Variants in HECW2 observed in about 807,000 individuals in gnomAD.
HECW2 encodes E3 ubiquitin-protein ligase HECW2.
Under a neutral mutation model 175.2 loss-of-function variants are expected in HECW2, and 61 were observed. That is an observed-to-expected ratio of 0.35 (90% CI 0.28 to 0.43). HECW2 has a LOEUF of 0.43. HECW2 is among the 20% of genes least tolerant of loss of function. The pLI is 1.00. For synonymous variants in HECW2, 671 were observed against 731.0 expected (o/e 0.92, Z 1.32); for missense variants, 1,524 against 2,000.5 (o/e 0.76, Z 4.54).
intron 1 of HECW2, among the ~76,000 whole-genome samples, chr2:196,441,000 A>T (rs1039484600): frequency 3.0e-4 from 45 of 152,204 alleles, no homozygotes; most frequent in African/African-American, 1.1e-3. Flanking sequence ...CTGAAAACAA[A>T]ATCATTTTTC....
Position 196,271,182 on chromosome 2 carries a change from A to G in HECW2, c.3335+11T>C, listed in dbSNP as rs1689721845. On this transcript the variant is annotated intron_variant, in intron 17 of 28. Coordinates refer to ENST00000644978, the MANE Select transcript of HECW2 (RefSeq NM_001348768.2). ...TATGCAACTTGAACCAAATACCAAT[A>G]TTATTGTTACCTGAGTGAGTGATTC... The G allele has an allele frequency of 8.0e-6, 12 of 1,505,660 alleles. No homozygotes were observed. The highest frequency in any genetic ancestry group is 1.4e-5 in the African/African-American group (1 of 72,654). The allele number at this position is 1,505,660 out of a possible 1,614,324, so 93.3% of individuals were successfully genotyped here. A position where few individuals can be genotyped will look rare whatever the true frequency, so the allele number is the denominator to read the frequency against.
At chr2:196,448,943 T>C (rs902296384) in intron 1 of HECW2, among the ~76,000 whole-genome samples, 2 of 152,176 alleles carry the variant, frequency 1.3e-5, no homozygotes, top group African/African-American at 2.4e-5. Flanking sequence ...AAATAATAAG[T>C]ATTTGGATGT....
At chr2:196,296,778 T>C (rs909171745) in intron 13 of HECW2, among the ~76,000 whole-genome samples, 2 of 152,126 alleles carry the variant, frequency 1.3e-5, no homozygotes, top group Admixed American at 6.5e-5. Flanking sequence ...ACGGACAGAA[T>C]GAACAGAGGT....
chr2:196,248,775 G>A (rs934448003), intron 19 of HECW2, among the ~76,000 whole-genome samples: 2 of 152,116 alleles, frequency 1.3e-5, no homozygotes, highest in Admixed American at 6.6e-5. Context: ...GAAAGAAAAC[G>A]AAGATCATTA....
intron 28 of HECW2, 116 bp downstream of exon 28, chr2:196,215,749 G>C: frequency 7.2e-6 from 5 of 694,702 alleles, no homozygotes; most frequent in Non-Finnish European, 1.2e-5. Context: ...TTCATTCTAA[G>C]AGCTTTTCCG....
At chr2:196,488,793 T>C (rs977473571) in intron 1 of HECW2, among the ~76,000 whole-genome samples, 6 of 152,306 alleles carry the variant, frequency 3.9e-5, no homozygotes, top group African/African-American at 1.4e-4. Context: ...ACAATGACCA[T>C]GATTTTTAAG....
chr2:196,237,652 C>T (rs139263314), intron 21 of HECW2, among the ~76,000 whole-genome samples: 20 of 152,224 alleles, frequency 1.3e-4, no homozygotes, highest in African/African-American at 4.3e-4. Context: ...CTTTTCTATT[C>T]TTCCCCATTT....
chr2:196,339,896 T>C (rs963363727), intron 3 of HECW2, among the ~76,000 whole-genome samples: 2 of 152,234 alleles, frequency 1.3e-5, no homozygotes, highest in African/African-American at 2.4e-5. Flanking sequence ...TACTTGGTTT[T>C]GTCCTTCAAA....
At chr2:196,467,517 G>T (rs527359478) in intron 1 of HECW2, among the ~76,000 whole-genome samples, 2 of 152,226 alleles carry the variant, frequency 1.3e-5, no homozygotes, top group African/African-American at 4.8e-5. Flanking sequence ...TCTATGATGC[G>T]CTTACAGTCA....
At chr2:196,281,407 GT>G (rs1413226700) in intron 14 of HECW2, among the ~76,000 whole-genome samples, 2 of 152,114 alleles carry the variant, frequency 1.3e-5, no homozygotes, top group African/African-American at 4.8e-5. Flanking sequence ...GAAGGCTGAG[GT>G]AGGTGGATCG....
intron 14 of HECW2, among the ~76,000 whole-genome samples, chr2:196,285,964 A>ATATAAG: frequency 6.6e-6 from 1 of 152,224 alleles, no homozygotes; most frequent in East Asian, 1.9e-4. Flanking sequence ...GACAAGCACA[A>ATATAAG]TATAAGTACA....
chr2:196,349,159 A>G (rs1301213205), intron 2 of HECW2, among the ~76,000 whole-genome samples: 1 of 152,210 alleles, frequency 6.6e-6, no homozygotes, highest in Non-Finnish European at 1.5e-5. Context: ...GACACCTGTC[A>G]GCTTCCATGA....
chr2:196,296,130 T>C (rs1185637798), intron 13 of HECW2, among the ~76,000 whole-genome samples: 1 of 152,112 alleles, frequency 6.6e-6, no homozygotes, highest in Non-Finnish European at 1.5e-5. Context: ...TGTGTGTGTA[T>C]AGATATGTAT....
intron 1 of HECW2, among the ~76,000 whole-genome samples, chr2:196,537,685 C>T (rs1250269821): frequency 6.6e-6 from 1 of 151,980 alleles, no homozygotes; most frequent in African/African-American, 2.4e-5. Flanking sequence ...TTCCTAGCCT[C>T]TAGATGTTTA....
chr2:196,470,759 A>T (rs2125349310), intron 1 of HECW2, among the ~76,000 whole-genome samples: 1 of 152,286 alleles, frequency 6.6e-6, no homozygotes, highest in Admixed American at 6.5e-5. Flanking sequence ...GATATATGGA[A>T]GCTTTATATA....
chr2:196,307,822 T>C, intron 11 of HECW2, 113 bp downstream of exon 11: 1 of 1,043,486 alleles, frequency 9.6e-7, no homozygotes, highest in Non-Finnish European at 1.3e-6. Context: ...CAGCTACACT[T>C]TAACGACAGG....
intron 19 of HECW2, among the ~76,000 whole-genome samples, chr2:196,245,546 C>T (rs900095249): frequency 6.6e-6 from 1 of 152,092 alleles, no homozygotes; most frequent in African/African-American, 2.4e-5. Context: ...GAGCTCAGGG[C>T]CACACGTGTG....
At chr2:196,400,461 G>C (rs191023581) in intron 2 of HECW2, among the ~76,000 whole-genome samples, 7 of 152,272 alleles carry the variant, frequency 4.6e-5, no homozygotes, top group Admixed American at 4.6e-4. Context: ...CAAGCCCTTT[G>C]ACTGAAACAG....
At chr2:196,353,543 G>C (rs1324505241) in intron 2 of HECW2, among the ~76,000 whole-genome samples, 1 of 152,148 alleles carries the variant, frequency 6.6e-6, no homozygotes, top group Non-Finnish European at 1.5e-5. Context: ...CTAATATTTG[G>C]TTGAATGGAA....
Sources: gnomAD v4.1 joint callset for allele counts (sites outside exome capture counted in the v4.1 genomes callset) on GRCh38, gnomAD v4.1.1 for gene constraint, MANE v1.5 for transcripts, NCBI Gene and HGNC (gene_info 2026-07-23, HGNC 2026-07-21) for gene names.